The following ZC3H12B variants were observed in gnomAD, a reference collection of about 807,000 sequenced individuals.
ZC3H12B encodes the protein zinc finger CCCH-type containing 12B.
A neutral mutation model predicts 43.9 loss-of-function variants in ZC3H12B; 7 were observed. The observed-to-expected ratio is 0.16, with a 90% CI of 0.09 to 0.30. The LOEUF (loss-of-function observed/expected upper bound fraction) is 0.30, where lower values mean the gene tolerates loss of function less well. Ranked by LOEUF, ZC3H12B falls within the 10% of genes least tolerant of loss-of-function variation. The probability of loss-of-function intolerance (pLI) is 1.00; values close to 1 mark genes in which losing one functional copy is unlikely to be tolerated. For synonymous variants in ZC3H12B, 222 were observed against 241.7 expected (o/e 0.92, Z 0.76); for missense variants, 475 against 670.2 (o/e 0.71, Z 3.22).
At chrX:65,507,037 ATTATCT>A (rs1248785689) in exon 5 of ZC3H12B, 1 of 111,805 alleles carries the variant, frequency 8.9e-6, no homozygotes, top group Non-Finnish European at 1.9e-5. Flanking sequence ...TTTGGAATAA[ATTATCT>A]TTATACAGTA....
At chrX:65,258,022 C>T in the ZC3H12B span, among the ~76,000 whole-genome samples, 1 of 111,516 alleles carries the variant, frequency 9.0e-6, no homozygotes. Context: ...AGAAACTCCT[C>T]CCTAACTCAT....
At chrX:65,134,333 G>T in the ZC3H12B span, among the ~76,000 whole-genome samples, 1 of 111,146 alleles carries the variant, frequency 9.0e-6, no homozygotes, top group Non-Finnish European at 1.9e-5. Context: ...CCAATGGAGT[G>T]TGGGTGAAGA....
the ZC3H12B span, among the ~76,000 whole-genome samples, chrX:65,218,402 G>T: frequency 1.8e-5 from 2 of 112,271 alleles, no homozygotes; most frequent in Non-Finnish European, 3.8e-5. Context: ...CAGCTAGGAG[G>T]CTTGTAGCCT....
At chrX:65,184,373 T>C in the ZC3H12B span, among the ~76,000 whole-genome samples, 17 of 111,457 alleles carry the variant, frequency 1.5e-4, no homozygotes, top group African/African-American at 5.5e-4. Flanking sequence ...TCTCATTTGA[T>C]CTTTAGAGCA....
chrX:65,408,572 C>G lies in ZC3H12B; in HGVS notation n.407+9868C>G, dbSNP rs1308293954. 3.0e-5 allele frequency: 35 copies of G among 1,171,089 alleles called. No homozygotes were observed. In the Admixed American group the frequency reaches 8.1e-4, roughly 27 times the overall value. On this transcript the variant is annotated intron_variant and non_coding_transcript_variant, in intron 3 of 5. Transcript: ENST00000617377. ...CCCGCCCCTCGGGGGCAGTGCCGGT[C>G]TTCTTGCACTGTCTAGTGCTCTGAG...
At chrX:65,274,041 A>T in the ZC3H12B span, among the ~76,000 whole-genome samples, 1 of 112,017 alleles carries the variant, frequency 8.9e-6, no homozygotes, top group Non-Finnish European at 1.9e-5. Flanking sequence ...TTGGAAGTAT[A>T]GGAGGGCAGA....
chrX:65,401,788 C>A (rs936231652), intron 3 of ZC3H12B, among the ~76,000 whole-genome samples: 16 of 111,711 alleles, frequency 1.4e-4, no homozygotes, highest in Non-Finnish European at 2.3e-4. Flanking sequence ...GTGAGGCCCC[C>A]ATTTCAGGCT....
the ZC3H12B span, among the ~76,000 whole-genome samples, chrX:65,073,622 A>T: frequency 8.9e-5 from 10 of 112,233 alleles, no homozygotes; most frequent in Non-Finnish European, 1.9e-4. Context: ...CCATGGCTGC[A>T]CTTCGCTATA....
chrX:65,434,127 T>G (rs2067193782), intron 3 of ZC3H12B, among the ~76,000 whole-genome samples: 1 of 111,891 alleles, frequency 8.9e-6, no homozygotes, highest in African/African-American at 3.2e-5. Context: ...TCCTGCCTCC[T>G]TGGGATCCTA....
chrX:65,135,841 A>G, the ZC3H12B span, among the ~76,000 whole-genome samples: 2 of 100,263 alleles, frequency 2.0e-5, no homozygotes, highest in Admixed American at 1.1e-4. Flanking sequence ...GAGCACATCC[A>G]TTGGCCTTAT....
At chrX:65,231,540 A>T in the ZC3H12B span, among the ~76,000 whole-genome samples, 2 of 111,020 alleles carry the variant, frequency 1.8e-5, no homozygotes, top group Non-Finnish European at 3.8e-5. Flanking sequence ...AGATACTCCC[A>T]GAGCGGCTAT....
At chrX:65,435,618 C>T (rs1021008874) in intron 3 of ZC3H12B, among the ~76,000 whole-genome samples, 1 of 108,200 alleles carries the variant, frequency 9.2e-6, no homozygotes, top group African/African-American at 3.4e-5. Context: ...TATTAGTCAA[C>T]GTTCTCCAGA....
At chrX:65,234,046 C>G in the ZC3H12B span, among the ~76,000 whole-genome samples, 1 of 110,884 alleles carries the variant, frequency 9.0e-6, no homozygotes, top group Non-Finnish European at 1.9e-5. Flanking sequence ...ATGCTAAGAC[C>G]GGACAAAAAC....
chrX:65,161,843 T>G, the ZC3H12B span, among the ~76,000 whole-genome samples: 4 of 112,093 alleles, frequency 3.6e-5, no homozygotes, highest in Non-Finnish European at 7.5e-5. Context: ...CACTAGTTGA[T>G]GCAGTTTCTT....
At chrX:65,092,316 G>A in the ZC3H12B span, among the ~76,000 whole-genome samples, 1 of 111,961 alleles carries the variant, frequency 8.9e-6, no homozygotes, top group Non-Finnish European at 1.9e-5. Flanking sequence ...TTGGCACAGA[G>A]AAGTGGGGCA....
intron 3 of ZC3H12B, among the ~76,000 whole-genome samples, chrX:65,406,301 C>T (rs1301728178): frequency 9.3e-6 from 1 of 107,628 alleles, no homozygotes; most frequent in Non-Finnish European, 1.9e-5. Context: ...TTCATCATGA[C>T]CAAGTGGGAT....
At chrX:65,381,366 C>A (rs144207523) in intron 2 of ZC3H12B, among the ~76,000 whole-genome samples, 6 of 111,400 alleles carry the variant, frequency 5.4e-5, no homozygotes, top group African/African-American at 1.6e-4. Context: ...GGGTACATAA[C>A]GAAATGAAGG....
At chrX:65,365,384 A>C (rs760753889), upstream of ZC3H12B, among the ~76,000 whole-genome samples, 1 of 110,769 alleles carries the variant, frequency 9.0e-6, no homozygotes, top group Non-Finnish European at 1.9e-5. Flanking sequence ...TCTTTCATTT[A>C]GTTTCCCAAT....
the ZC3H12B span, among the ~76,000 whole-genome samples, chrX:65,066,286 C>A: frequency 9.0e-6 from 1 of 111,307 alleles, no homozygotes; most frequent in Admixed American, 9.5e-5. Flanking sequence ...GATTTATCTA[C>A]CTTTGATCTT....
Sources: allele counts gnomAD v4.1 joint callset (sites outside exome capture counted in the v4.1 genomes callset), GRCh38; gene constraint gnomAD v4.1.1; transcripts MANE v1.5; gene names NCBI Gene and HGNC (gene_info 2026-07-23, HGNC 2026-07-21).